The following FANCD2 variants were observed in gnomAD, a reference collection of about 807,000 sequenced individuals.
FANCD2 encodes the protein FA complementation group D2.
FANCD2 carries 131 observed loss-of-function variants against 192.3 expected under a neutral mutation model. That is an observed-to-expected ratio of 0.68 (90% confidence interval 0.59 to 0.79). The LOEUF (loss-of-function observed/expected upper bound fraction) is 0.79, where lower values mean the gene tolerates loss of function less well. FANCD2 is among the 30% of genes least tolerant of loss of function. The pLI is 0.00. For missense variants in FANCD2, 1,508 were observed against 1,701.6 expected, an observed-to-expected ratio of 0.89 and a Z score of 2.00; for synonymous variants, 524 against 612.5, an observed-to-expected ratio of 0.86 and a Z score of 2.13.
chr3:10,096,278 G>T, intron 41 of FANCD2, 48 bp from the exon 42 acceptor site: 1 of 1,594,202 alleles, frequency 6.3e-7, no homozygotes, highest in Non-Finnish European at 8.6e-7. Flanking sequence ...AAATGTGAAG[G>T]CATGATGATA....
chr3:10,071,785 A>T (rs557478071), intron 26 of FANCD2, among the ~76,000 whole-genome samples: 1 of 152,290 alleles, frequency 6.6e-6, no homozygotes, highest in South Asian at 2.1e-4. Flanking sequence ...TTTGAGATGG[A>T]GTCTCGCTCT....
intron 33 of FANCD2, 105 bp downstream of exon 33, chr3:10,086,027 G>T: frequency 1.3e-6 from 1 of 777,382 alleles, no homozygotes. Context: ...TAGTTGTAAA[G>T]GAAATTATTT....
chr3:10,098,904 A>G (rs920115796), intron 43 of FANCD2, 89 bp downstream of exon 43: 10 of 1,614,012 alleles, frequency 6.2e-6, no homozygotes, highest in South Asian at 2.2e-5. Context: ...TTGCCTACTT[A>G]TGTTTATTGT....
chr3:10,063,298 A>G (rs765828012), intron 20 of FANCD2, among the ~76,000 whole-genome samples: 1 of 152,056 alleles, frequency 6.6e-6, no homozygotes, highest in Non-Finnish European at 1.5e-5. Flanking sequence ...TTAGCTGGAC[A>G]TGGTGGCAGG....
At chr3:10,064,203 C>T (rs577319789) in intron 21 of FANCD2, among the ~76,000 whole-genome samples, 153 bp from the exon 22 acceptor site, 7 of 152,322 alleles carry the variant, frequency 4.6e-5, no homozygotes, top group African/African-American at 1.4e-4. Context: ...TTTATGCACT[C>T]TCTCTTTTCT....
intron 26 of FANCD2, among the ~76,000 whole-genome samples, chr3:10,070,179 C>T (rs1327260821): frequency 2.7e-5 from 4 of 149,134 alleles, no homozygotes; most frequent in South Asian, 2.1e-4. Context: ...GGAGACCCTC[C>T]GCCCGGCAAC....
At chr3:10,037,474 C>G (rs1187343810) in intron 7 of FANCD2, 1 of 152,094 alleles carries the variant, frequency 6.6e-6, no homozygotes, top group Non-Finnish European at 1.5e-5. Flanking sequence ...ATTTTGCATA[C>G]CCTTTAATCC....
rs1399407590 is a variant in FANCD2, at chr3:10,053,462, G to T, written c.1656+965G>T. Reference sequence around the variant, plus strand: ...TTAGTGGGTGCAGCACACCAGCATGGCACATGTATACATATGTAACTAACC... The same window carrying T: ...TTAGTGGGTGCAGCACACCAGCATGTCACATGTATACATATGTAACTAACC... On this transcript the variant is annotated intron_variant, in intron 18 of 43. Coordinates refer to ENST00000675286, the MANE Select transcript of FANCD2 (RefSeq NM_001018115.3). Among the ~76,000 whole-genome samples the T allele has an allele frequency of 4.6e-5, 7 of 151,524 alleles. No individual in the cohort carries two copies. In the East Asian group the frequency reaches 1.2e-3, roughly 25 times the overall value.
chr3:10,095,286 A>T lies in FANCD2; in HGVS notation c.4038+12A>T. 1.2e-6 allele frequency: 2 copies of T among 1,612,344 alleles called. No individual in the cohort carries two copies. Among genetic ancestry groups the T allele is most frequent in the Non-Finnish European group, 1.7e-6 (2 of 1,178,586 alleles). On this transcript the variant is annotated intron_variant, in intron 41 of 43. Coordinates refer to ENST00000675286, the MANE Select transcript of FANCD2 (RefSeq NM_001018115.3). ...GTGGGCATTCCAAGGTAAGAAGGGG[A>T]GCAGGTTCTATCAGCAGCCTGCCTG...
chr3:10,045,164 G>C (rs200852630), intron 14 of FANCD2, among the ~76,000 whole-genome samples: 1 of 145,242 alleles, frequency 6.9e-6, no homozygotes, highest in Non-Finnish European at 1.5e-5. Flanking sequence ...TTTTTGTTTT[G>C]TTTTGTTTTT....
chr3:10,062,136 A>T lies in FANCD2; in HGVS notation c.1767-15A>T, dbSNP rs2087587345. On this transcript the variant is annotated splice_polypyrimidine_tract_variant and intron_variant, in intron 19 of 43. Coordinates refer to ENST00000675286, the MANE Select transcript of FANCD2 (RefSeq NM_001018115.3). ...AAGTATAATAATAATTTAAAAAAAAATTCTTTGTTTTTAGAAGTGAATCAC... is the reference window on the plus strand; with the variant it reads ...AAGTATAATAATAATTTAAAAAAAATTTCTTTGTTTTTAGAAGTGAATCAC... The T allele has an allele frequency of 6.3e-7, 1 of 1,595,726 alleles. No individual in the cohort carries two copies. The highest frequency in any genetic ancestry group is 1.4e-5 in the African/African-American group (1 of 73,416).
At chr3:10,068,939 T>C (rs1025274954) in intron 26 of FANCD2, among the ~76,000 whole-genome samples, 18 of 152,194 alleles carry the variant, frequency 1.2e-4, no homozygotes, top group African/African-American at 4.3e-4. Flanking sequence ...TGGATATCCA[T>C]ATGCAGAAGA....
intron 18 of FANCD2, among the ~76,000 whole-genome samples, chr3:10,055,336 C>T (rs2087376160): frequency 6.6e-6 from 1 of 152,094 alleles, no homozygotes; most frequent in Non-Finnish European, 1.5e-5. Context: ...CTTCCTCTCC[C>T]CACCCCCTAA....
chr3:10,067,156 A>T (rs1212099626), intron 25 of FANCD2, 53 bp from the exon 26 acceptor site: 34 of 1,146,138 alleles, frequency 3.0e-5, no homozygotes, highest in Admixed American at 9.1e-5. Flanking sequence ...TAATATAAAC[A>T]AGGTTAAAAT....
chr3:10,051,873 G>A (rs1394482857), intron 17 of FANCD2, among the ~76,000 whole-genome samples: 3 of 152,124 alleles, frequency 2.0e-5, no homozygotes, highest in Admixed American at 6.6e-5. Flanking sequence ...AAAGTAAATA[G>A]TTTCCTTGTG....
In FANCD2 at chr3:10,099,982, GC is replaced by G. The variant is rs1452707505; in HGVS notation, c.4281+1170del. Among the ~76,000 whole-genome samples, 10 of 152,204 alleles carry G rather than the reference GC, an allele frequency of 6.6e-5. No homozygotes were observed. The East Asian group carries it at 1.9e-3, about 29-fold the overall frequency. On this transcript the variant is annotated intron_variant, in intron 43 of 43. Transcript: ENST00000675286. Reference sequence around the variant, plus strand: ...AGGCTGAGGTGGGAGGACCGCTTAAGCCCAGAATTTCAAGACCAACCCGAGA... The same window carrying G: ...AGGCTGAGGTGGGAGGACCGCTTAAGCCAGAATTTCAAGACCAACCCGAGA...
intron 42 of FANCD2, among the ~76,000 whole-genome samples, chr3:10,096,850 A>C (rs1291873870): frequency 6.6e-6 from 1 of 152,172 alleles, no homozygotes; most frequent in African/African-American, 2.4e-5. Flanking sequence ...CCCCTAAGCC[A>C]ATCTGTCTTA....
chr3:10,063,912 G>T lies in FANCD2; in HGVS notation c.1947+1G>T. ...TGAAAAGCTGGATCCAAAAGCCCTG[G>T]TAAAGCCAATTGTCTTTTCTTAAAG... On this transcript the variant is annotated splice_donor_variant, in intron 21 of 43. Transcript: ENST00000675286. LOFTEE classifies it high-confidence loss of function. 2.5e-6 allele frequency: 4 copies of T among 1,614,216 alleles called. No homozygotes were observed. Among genetic ancestry groups the T allele is most frequent in the Non-Finnish European group, 3.4e-6 (4 of 1,180,044 alleles).
chr3:10,093,037 A>G (rs1406757821), intron 38 of FANCD2, among the ~76,000 whole-genome samples: 2 of 152,116 alleles, frequency 1.3e-5, no homozygotes, highest in Non-Finnish European at 2.9e-5. Context: ...TTGGACCTCT[A>G]ATAATGCCAT....
Sources: allele counts gnomAD v4.1 joint callset (sites outside exome capture counted in the v4.1 genomes callset), GRCh38; gene constraint gnomAD v4.1.1; transcripts MANE v1.5; gene names NCBI Gene and HGNC (gene_info 2026-07-23, HGNC 2026-07-21).